The following EPS15L1 variants were observed in gnomAD, a reference collection of about 807,000 sequenced individuals.
EPS15L1 encodes epidermal growth factor receptor substrate 15-like 1.
Under a neutral mutation model 117.1 loss-of-function variants are expected in EPS15L1, and 43 were observed. The observed-to-expected ratio is 0.37, with a 90% confidence interval of 0.29 to 0.47. EPS15L1 has a LOEUF of 0.47. Among genes scored for constraint, EPS15L1 ranks in the 20% least tolerant of loss-of-function variants. EPS15L1 has a pLI of 0.99. For missense variants in EPS15L1, 981 were observed against 1,164.0 expected, an observed-to-expected ratio of 0.84 and a Z score of 2.29; for synonymous variants, 459 against 470.5, an observed-to-expected ratio of 0.98 and a Z score of 0.32.
intron 1 of EPS15L1, among the ~76,000 whole-genome samples, chr19:16,449,438 G>A (rs1199749784): frequency 6.6e-6 from 1 of 152,170 alleles, no homozygotes; most frequent in Non-Finnish European, 1.5e-5. Flanking sequence ...AGATGCCACT[G>A]CACGCTATCA....
intron 23 of EPS15L1, chr19:16,357,965 C>T (rs2092004805): frequency 6.6e-6 from 1 of 152,438 alleles, no homozygotes; most frequent in African/African-American, 2.4e-5. Context: ...CTGCTGACAA[C>T]AGTGGGAGGG....
chr19:16,392,708 G>A (rs1160508190), intron 18 of EPS15L1, among the ~76,000 whole-genome samples: 1 of 152,084 alleles, frequency 6.6e-6, no homozygotes, highest in Non-Finnish European at 1.5e-5. Context: ...AGTAAAATGG[G>A]TGAATTTTGT....
intron 13 of EPS15L1, among the ~76,000 whole-genome samples, chr19:16,406,670 C>T (rs144895844): frequency 6.6e-6 from 1 of 152,350 alleles, no homozygotes; most frequent in South Asian, 2.1e-4. Flanking sequence ...GGCTCCAACA[C>T]CTTTGGCCTG....
rs2092222942 is a variant in EPS15L1 at position 16,371,428 on chromosome 19, C to T, written c.2380+5694G>A. 6.6e-6 allele frequency among the ~76,000 whole-genome samples: 1 copy of T among 152,090 alleles called. No individual in the cohort carries two copies. Among genetic ancestry groups the T allele is most frequent in the South Asian group, 2.1e-4 (1 of 4,822 alleles). On this transcript the variant is annotated intron_variant, in intron 22 of 23. Transcript: ENST00000455140. The surrounding 1 kb of genome is among the most constrained non-coding windows in gnomAD (Gnocchi z 4.7). ...AGCTGCTCAAATCAAACAGGACAGC[C>T]GCTGGTTAAACTTAGGTAAAAGCTG...
intron 9 of EPS15L1, 52 bp from the exon 10 acceptor site, chr19:16,421,528 A>C (rs769222021): frequency 6.4e-7 from 1 of 1,561,640 alleles, no homozygotes; most frequent in East Asian, 2.3e-5. Flanking sequence ...TATGACCCCC[A>C]GACACATGCT....
At chr19:16,436,724 G>C in intron 6 of EPS15L1, 1 of 462,864 alleles carries the variant, frequency 2.2e-6, no homozygotes, top group Non-Finnish European at 3.9e-6. Context: ...TTCCAGTGAA[G>C]GGCCACAGCC....
chr19:16,405,388 G>C lies in EPS15L1; in HGVS notation c.1267-639C>G, dbSNP rs1370320432. On this transcript the variant is annotated intron_variant, in intron 13 of 23. Transcript: ENST00000455140. This position sits in a 1 kb window ranked among gnomAD's most constrained non-coding sequence, Gnocchi z 4.0. ...GTGGGGAGCCCGGTGGGATGTGTGA[G>C]TGTGGGAGGCGGGACATCATGATTC... is the stretch of plus-strand genomic sequence containing the variant. 6.6e-6 allele frequency among the ~76,000 whole-genome samples: 1 copy of C among 152,208 alleles called. No homozygotes were observed. The highest frequency in any genetic ancestry group is 1.5e-5 in the Non-Finnish European group (1 of 68,028).
chr19:16,434,628 A>G lies in EPS15L1; in HGVS notation c.373-138T>C. ...GGCTAAAAGCACAAAATGATCTTAG[A>G]ACAGTCTTGGCCCCTTGGTTTCCAA... On this transcript the variant is annotated intron_variant, in intron 6 of 23. Transcript: ENST00000455140. 3.3e-6 allele frequency: 3 copies of G among 908,266 alleles called. No individual in the cohort carries two copies. In the Admixed American group the frequency reaches 7.2e-5, roughly 22 times the overall value. 56.3% of individuals were successfully genotyped at this position (908,266 alleles called of 1,614,324 possible). A position where few individuals can be genotyped will look rare whatever the true frequency, so the allele number is the denominator to read the frequency against.
intron 16 of EPS15L1, among the ~76,000 whole-genome samples, chr19:16,398,023 G>T (rs993047105): frequency 6.6e-6 from 1 of 152,130 alleles, no homozygotes; most frequent in East Asian, 1.9e-4. Context: ...AAAAGCCGGG[G>T]CGTCCACAAA....
intron 22 of EPS15L1, among the ~76,000 whole-genome samples, chr19:16,369,662 C>T (rs984176499): frequency 8.0e-6 from 1 of 124,688 alleles, no homozygotes; most frequent in African/African-American, 3.2e-5. Context: ...TGCACCAGCC[C>T]TGGAAGAAAA....
At chr19:16,400,959 C>G (rs1315606885) in intron 16 of EPS15L1, 1 of 985,228 alleles carries the variant, frequency 1.0e-6, no homozygotes, top group African/African-American at 1.7e-5. Context: ...AAAAGCGGTG[C>G]CAGGGGACAA....
chr19:16,389,347 G>A (rs1442437489), intron 19 of EPS15L1, among the ~76,000 whole-genome samples: 4 of 152,008 alleles, frequency 2.6e-5, no homozygotes, highest in Non-Finnish European at 5.9e-5. Context: ...CCAGCAACTT[G>A]GGAGGATGAG....
chr19:16,402,518 G>A (rs759605386), intron 15 of EPS15L1, 33 bp from the exon 16 acceptor site: 3 of 1,550,076 alleles, frequency 1.9e-6, no homozygotes, highest in Non-Finnish European at 2.6e-6. Context: ...GCATTAAGCA[G>A]GGTCAGGAAA....
At chr19:16,422,149 C>A (rs2092820511) in intron 9 of EPS15L1, among the ~76,000 whole-genome samples, 1 of 152,238 alleles carries the variant, frequency 6.6e-6, no homozygotes, top group Non-Finnish European at 1.5e-5. Context: ...GCTCAAAGTT[C>A]ACAGCCCTGG....
At chr19:16,408,878 C>T (rs2092681690) in intron 13 of EPS15L1, among the ~76,000 whole-genome samples, 2 of 152,200 alleles carry the variant, frequency 1.3e-5, no homozygotes, top group South Asian at 4.1e-4. Flanking sequence ...TCAACTCATC[C>T]TTGACAAGGA....
intron 21 of EPS15L1, among the ~76,000 whole-genome samples, chr19:16,384,620 G>C (rs1009792137): frequency 6.6e-6 from 1 of 152,150 alleles, no homozygotes; most frequent in Non-Finnish European, 1.5e-5. Context: ...CTGGTAACCA[G>C]CCTCGCTGCT....
At chr19:16,413,613 G>GAAA (rs376439335) in intron 13 of EPS15L1, 160 bp downstream of exon 13, 210 of 618,596 alleles carry the variant, frequency 3.4e-4, no homozygotes, top group South Asian at 1.3e-3. Flanking sequence ...AATTCAGCCT[G>GAAA]AAAAAAAAAA....
intron 12 of EPS15L1, among the ~76,000 whole-genome samples, chr19:16,415,726 CCT>C (rs917411187): frequency 1.3e-5 from 2 of 152,254 alleles, no homozygotes; most frequent in Non-Finnish European, 2.9e-5. Flanking sequence ...CAGCCTGTCA[CCT>C]CCACATTGGG....
At chr19:16,462,799 C>T (rs550531532) in intron 1 of EPS15L1, among the ~76,000 whole-genome samples, 1 of 152,308 alleles carries the variant, frequency 6.6e-6, no homozygotes, top group Non-Finnish European at 1.5e-5. Flanking sequence ...CACTGGTCCA[C>T]GCAGTGTACA....
Sources: gnomAD v4.1 joint callset for allele counts (sites outside exome capture counted in the v4.1 genomes callset) on GRCh38, gnomAD v4.1.1 for gene constraint, Gnocchi (gnomAD v3.1) non-coding constraint, MANE v1.5 for transcripts, NCBI Gene and HGNC (gene_info 2026-07-23, HGNC 2026-07-21) for gene names.